Variants in SRP19 observed in about 807,000 individuals in gnomAD.
SRP19 encodes the protein signal recognition particle 19 kDa protein.
SRP19 carries 11 observed loss-of-function variants against 22.4 expected under a neutral mutation model. That is an observed-to-expected ratio of 0.49 (90% confidence interval 0.31 to 0.81). The LOEUF is 0.81. Among genes scored for constraint, SRP19 ranks in the 40% least tolerant of loss-of-function variants. SRP19 has a pLI of 0.05. For missense variants in SRP19, 168 were observed against 175.9 expected, an observed-to-expected ratio of 0.96 and a Z score of 0.25; for synonymous variants, 61 against 57.6, an observed-to-expected ratio of 1.06 and a Z score of -0.27.
chr5:112,867,978 A>C lies in SRP19; in HGVS notation c.*441A>C. On this transcript the variant is annotated 3_prime_UTR_variant, in exon 5 of 5. Transcript: ENST00000505459. Reference sequence around the variant, plus strand: ...AATTAAGAATAAAATATGTAGTGAAAGTTTCCATAGTGTGAGGCTAAAACT... The same window carrying C: ...AATTAAGAATAAAATATGTAGTGAACGTTTCCATAGTGTGAGGCTAAAACT... The C allele has an allele frequency of 2.0e-6, 2 of 986,852 alleles. No individual in the cohort carries two copies. The highest frequency in any genetic ancestry group is 2.4e-6 in the Non-Finnish European group (2 of 830,760). 61.1% of individuals were successfully genotyped at this position (986,852 alleles called of 1,614,324 possible).
At chr5:112,882,735 C>T (rs1768119154) in intron 4 of SRP19, among the ~76,000 whole-genome samples, 1 of 152,170 alleles carries the variant, frequency 6.6e-6, no homozygotes, top group Non-Finnish European at 1.5e-5. Flanking sequence ...CATGATAGCC[C>T]ACGAAATTTA....
downstream of SRP19, chr5:112,897,763 TA>T (rs1768734639): frequency 6.6e-6 from 1 of 152,066 alleles, no homozygotes; most frequent in African/African-American, 2.4e-5. Context: ...AATAAAATAT[TA>T]AACATGTCCT....
chr5:112,894,277 G>C (rs1446004788), downstream of SRP19: 1 of 152,080 alleles, frequency 6.6e-6, no homozygotes, highest in Non-Finnish European at 1.5e-5. Flanking sequence ...ATGCCACCGT[G>C]CCCAGCTAAT....
chr5:112,880,643 C>T (rs1350016575), intron 4 of SRP19, among the ~76,000 whole-genome samples: 1 of 152,166 alleles, frequency 6.6e-6, no homozygotes, highest in African/African-American at 2.4e-5. Context: ...ATGTAAATTC[C>T]TCCTAACTTA....
intron 4 of SRP19, chr5:112,885,328 G>T: frequency 5.6e-6 from 1 of 177,700 alleles, no homozygotes; most frequent in East Asian, 1.9e-4. Context: ...GGTAGATTTA[G>T]AACAGAACCA....
chr5:112,894,942 A>C (rs1223341229), downstream of SRP19: 1 of 152,202 alleles, frequency 6.6e-6, no homozygotes, highest in African/African-American at 2.4e-5. Flanking sequence ...TTGGATTAAG[A>C]ATCAGGAGAG....
downstream of SRP19, chr5:112,893,397 G>A (rs984155115): frequency 2.7e-5 from 5 of 184,900 alleles, no homozygotes; most frequent in South Asian, 3.2e-4. Context: ...GTGACAGAGC[G>A]AGACTGTGTC....
chr5:112,881,921 C>T (rs1361544574), intron 4 of SRP19: 1 of 145,408 alleles, frequency 6.9e-6, no homozygotes, highest in Non-Finnish European at 1.5e-5. Flanking sequence ...CGCATCACCA[C>T]ATCTGGCTAA....
At chr5:112,891,628 G>A (rs775653012) in exon 5 of SRP19, 18 of 1,592,186 alleles carry the variant, frequency 1.1e-5, no homozygotes, top group Middle Eastern at 1.6e-4. Flanking sequence ...GGGGTCAGGC[G>A]GTGCTGGCAA....
At position 112,892,191 on chromosome 5, in the gene SRP19, A is replaced by G. The variant is rs578080478; in HGVS notation, c.*584A>G. ...ATTGTCCCTTCTACAGTAAAACAGG[A>G]GCTTGCAGATTTGGAGACAGATGTT... On this transcript the variant is annotated 3_prime_UTR_variant, in exon 5 of 5. Coordinates refer to the SRP19 transcript ENST00000391338. 6.8e-6 allele frequency: 11 copies of G among 1,614,200 alleles called. No homozygotes were observed. In the Admixed American group the frequency reaches 1.7e-4, roughly 24 times the overall value.
At position 112,861,399 on chromosome 5, in the gene SRP19, C is replaced by T. The variant is rs374209987; in HGVS notation, c.23C>T (p.Ser8Phe). 1.9e-6 allele frequency: 3 copies of T among 1,613,908 alleles called. No homozygotes were observed. Among genetic ancestry groups the T allele is most frequent in the African/African-American group, 2.7e-5 (2 of 74,938 alleles). Residue 8 changes from serine (S) to phenylalanine (F), a missense_variant, in exon 1 of 5, where the codon TCC (serine) becomes TTC (phenylalanine). Ser to Phe is a radical substitution (Grantham distance 155). Coordinates refer to ENST00000505459, the MANE Select transcript of SRP19 (RefSeq NM_003135.3). ...AAGATGGCTTGCGCTGCCGCGCGGT[C>T]CCCGGCCGACCAGGACAGGTGGGTT... MACAAAR[S>F]PADQDRFICI...
At chr5:112,873,072 T>C (rs533553901), downstream of SRP19, among the ~76,000 whole-genome samples, 38 of 147,280 alleles carry the variant, frequency 2.6e-4, 1 homozygote, top group East Asian at 7.1e-3. Context: ...ATAACAGTTG[T>C]GTGCTTTGTG....
downstream of SRP19, among the ~76,000 whole-genome samples, chr5:112,873,574 T>C (rs1238896177): frequency 6.6e-6 from 1 of 151,976 alleles, no homozygotes; most frequent in East Asian, 1.9e-4. Flanking sequence ...CTCAAACTCC[T>C]GACCTCAGGT....
At chr5:112,878,626 TA>T in intron 4 of SRP19, 1 of 1,079,700 alleles carries the variant, frequency 9.3e-7, no homozygotes, top group Non-Finnish European at 1.3e-6. Flanking sequence ...ATATAGACAG[TA>T]AAAGTAAGCA....
chr5:112,866,530 A>C, intron 4 of SRP19, among the ~76,000 whole-genome samples: 1 of 151,612 alleles, frequency 6.6e-6, no homozygotes, highest in East Asian at 2.0e-4. Context: ...GGGTTTTGCT[A>C]TGTTTCCTAA....
At chr5:112,878,550 G>C (rs1767966202) in intron 4 of SRP19, 1 of 514,362 alleles carries the variant, frequency 1.9e-6, no homozygotes, top group South Asian at 3.6e-5. Context: ...CCTACCCAGA[G>C]GCAAAATACA....
chr5:112,863,137 C>T (rs1252102288), intron 2 of SRP19, among the ~76,000 whole-genome samples: 1 of 152,168 alleles, frequency 6.6e-6, no homozygotes, highest in Non-Finnish European at 1.5e-5. Flanking sequence ...AGGAAGATTG[C>T]TTTATGTTCC....
intron 4 of SRP19, among the ~76,000 whole-genome samples, chr5:112,890,099 T>A (rs181498826): frequency 1.3e-5 from 2 of 150,366 alleles, no homozygotes; most frequent in East Asian, 4.1e-4. Flanking sequence ...AGTGCTGGGA[T>A]TACAGGCGTG....
intron 4 of SRP19, among the ~76,000 whole-genome samples, chr5:112,884,863 T>C (rs934722647): frequency 2.0e-5 from 3 of 152,024 alleles, no homozygotes; most frequent in African/African-American, 7.2e-5. Flanking sequence ...TTACTGCCTA[T>C]CTCTCAACTA....
Sources: allele counts gnomAD v4.1 joint callset (sites outside exome capture counted in the v4.1 genomes callset), GRCh38; gene constraint gnomAD v4.1.1; transcripts MANE v1.5; gene names NCBI Gene and HGNC (gene_info 2026-07-23, HGNC 2026-07-21).